Variants in LDB3 observed in about 807,000 individuals in gnomAD.
The protein encoded by LDB3 is LIM domain binding 3.
A neutral mutation model predicts 69.0 loss-of-function variants in LDB3; 49 were observed. The observed-to-expected ratio is 0.71, with a 90% confidence interval of 0.56 to 0.90. The LOEUF is 0.90. LDB3 is among the 40% of genes least tolerant of loss of function. The probability of loss-of-function intolerance (pLI) is 0.00; values close to 1 mark genes in which losing one functional copy is unlikely to be tolerated. For missense variants in LDB3, 928 were observed against 974.1 expected, an observed-to-expected ratio of 0.95 and a Z score of 0.63; for synonymous variants, 387 against 396.2, an observed-to-expected ratio of 0.98 and a Z score of 0.28.
At chr10:86,675,592 C>T (rs537437247) in intron 2 of LDB3, among the ~76,000 whole-genome samples, 1 of 152,346 alleles carries the variant, frequency 6.6e-6, no homozygotes, top group South Asian at 2.1e-4. Flanking sequence ...GGGTGTCCTG[C>T]TGTGGGGGAG....
intron 10 of LDB3, among the ~76,000 whole-genome samples, chr10:86,717,311 G>T (rs1382710994): frequency 6.6e-6 from 1 of 152,112 alleles, no homozygotes; most frequent in Non-Finnish European, 1.5e-5. Flanking sequence ...TTATATACGT[G>T]AAAAATACAC....
intron 7 of LDB3, among the ~76,000 whole-genome samples, chr10:86,693,381 G>T (rs1340873879): frequency 6.6e-6 from 1 of 152,214 alleles, no homozygotes; most frequent in Non-Finnish European, 1.5e-5. Flanking sequence ...TTGGGCCAGT[G>T]CATCCTGTGG....
chr10:86,728,587 T>TTTTTTTTTTTG lies in LDB3; in HGVS notation c.2094+2345_2094+2346insGTTTTTTTTTT, dbSNP rs1847347388. ...AGCAAAGTGGAACATGGTTCTTTTG[T>TTTTTTTTTTTG]TTTTTTTTTTTTTTGAGACAAAGTC... On this transcript the variant is annotated intron_variant, in intron 13 of 13. Transcript: ENST00000361373. Among the ~76,000 whole-genome samples, 4 of 76,168 alleles carry TTTTTTTTTTTG rather than the reference T, an allele frequency of 5.3e-5. 1 individual carries two copies. The highest frequency in any genetic ancestry group is 1.2e-4 in the Admixed American group (1 of 8,082). The allele number at this position is 76,168 out of a possible 152,430, so 50.0% of individuals were successfully genotyped here.
chr10:86,711,927 G>C (rs989753212), intron 9 of LDB3, among the ~76,000 whole-genome samples: 17 of 152,054 alleles, frequency 1.1e-4, no homozygotes, highest in African/African-American at 4.1e-4. Context: ...GAGTGCGATA[G>C]GGGACTTTTG....
chr10:86,669,702 C>T (rs1054162039), intron 2 of LDB3, among the ~76,000 whole-genome samples: 25 of 152,220 alleles, frequency 1.6e-4, no homozygotes, highest in African/African-American at 5.5e-4. Context: ...AGGCTCAGGG[C>T]GAACTGTGAG....
At chr10:86,711,962 T>C (rs918032453) in intron 9 of LDB3, among the ~76,000 whole-genome samples, 3 of 152,062 alleles carry the variant, frequency 2.0e-5, no homozygotes, top group African/African-American at 7.2e-5. Context: ...AGATGAAATA[T>C]CACCTTCTAA....
At chr10:86,706,950 A>G (rs574227255) in intron 8 of LDB3, among the ~76,000 whole-genome samples, 1 of 152,228 alleles carries the variant, frequency 6.6e-6, no homozygotes, top group African/African-American at 2.4e-5. Flanking sequence ...GGACACATAC[A>G]CCGGTGAGAG....
At chr10:86,710,319 G>A (rs1846599863) in intron 9 of LDB3, 30 of 941,016 alleles carry the variant, frequency 3.2e-5, no homozygotes, top group Non-Finnish European at 3.8e-5. Context: ...ACCGGGCATG[G>A]TGGCTCACAC....
chr10:86,668,543 C>T lies in LDB3; in HGVS notation c.-51C>T, dbSNP rs45584436. On this transcript the variant is annotated 5_prime_UTR_variant, in exon 1 of 14. Coordinates refer to ENST00000361373, the MANE Select transcript of LDB3 (RefSeq NM_007078.3). ...GGAGCCTCTCAAGAGCTCCACGCAG[C>T]CCGGCTGGGCAGCAAGGGACAGAAC... 4.3e-5 allele frequency: 31 copies of T among 729,156 alleles called. No individual in the cohort carries two copies. The African/African-American group carries it at 5.3e-4, about 13-fold the overall frequency. The allele number at this position is 729,156 out of a possible 1,614,324, so 45.2% of individuals were successfully genotyped here.
chr10:86,679,553 T>A (rs1203425225), intron 3 of LDB3, 35 bp downstream of exon 3: 1 of 1,611,312 alleles, frequency 6.2e-7, no homozygotes, highest in African/African-American at 1.3e-5. Context: ...GGGGCGGAGG[T>A]TTGGGTGTGG....
At position 86,726,261 on chromosome 10, in the gene LDB3, C is replaced by T; in HGVS notation, c.2094+9C>T. 6.2e-7 allele frequency: 1 copy of T among 1,610,348 alleles called. No homozygotes were observed. Among genetic ancestry groups the T allele is most frequent in the Non-Finnish European group, 8.5e-7 (1 of 1,176,562 alleles). On this transcript the variant is annotated intron_variant, in intron 13 of 13. Coordinates refer to ENST00000361373, the MANE Select transcript of LDB3 (RefSeq NM_007078.3). ...CCTGCTTCATTTGCGCAGTATGTCTCTAGCTTGGGGCTCTGGCTTTCTGAG... is the reference window on the plus strand; with the variant it reads ...CCTGCTTCATTTGCGCAGTATGTCTTTAGCTTGGGGCTCTGGCTTTCTGAG...
At chr10:86,666,797 C>A, upstream of LDB3, 1 of 471,012 alleles carries the variant, frequency 2.1e-6, no homozygotes, top group South Asian at 1.5e-5. Context: ...TCCCCAGAGG[C>A]GAGCTTCATC....
At chr10:86,687,899 T>C (rs1845572385) in intron 5 of LDB3, among the ~76,000 whole-genome samples, 1 of 152,224 alleles carries the variant, frequency 6.6e-6, no homozygotes, top group South Asian at 2.1e-4. Flanking sequence ...AAGAGTTGGC[T>C]GAAAATCATT....
intron 9 of LDB3, among the ~76,000 whole-genome samples, chr10:86,711,856 C>G (rs1271784323): frequency 6.7e-6 from 1 of 150,288 alleles, no homozygotes; most frequent in Non-Finnish European, 1.5e-5. Flanking sequence ...TGCGGAGAGC[C>G]GGGCCCGGCC....
In LDB3 at chr10:86,699,904, G is replaced by A; in HGVS notation, c.897-6627G>A. On this transcript the variant is annotated intron_variant, in intron 7 of 13. Transcript: ENST00000361373. This position sits in a 1 kb window ranked among gnomAD's most constrained non-coding sequence, Gnocchi z 4.9. ...TTTGAAGAGGAAGTAGAAGCCCCAG[G>A]GTAATGAGGCAGAGACCCCTCCTGG... 2.0e-6 allele frequency: 2 copies of A among 1,008,174 alleles called. No individual in the cohort carries two copies. Among genetic ancestry groups the A allele is most frequent in the Non-Finnish European group, 1.2e-6 (1 of 842,770 alleles). The allele number at this position is 1,008,174 out of a possible 1,614,324, so 62.5% of individuals were successfully genotyped here. A position where few individuals can be genotyped will look rare whatever the true frequency, so the allele number is the denominator to read the frequency against.
At chr10:86,710,177 C>G in intron 9 of LDB3, 127 bp downstream of exon 9, 1 of 1,528,714 alleles carries the variant, frequency 6.5e-7, no homozygotes, top group Non-Finnish European at 8.8e-7. Flanking sequence ...GCTAATGATG[C>G]TCCGCCCTCC....
intron 9 of LDB3, among the ~76,000 whole-genome samples, chr10:86,716,016 T>A (rs1031624243): frequency 2.1e-5 from 3 of 141,874 alleles, no homozygotes; most frequent in African/African-American, 7.6e-5. Flanking sequence ...CCACTCTGCG[T>A]CTTATGCAGG....
At chr10:86,667,855 G>T (rs1277923124), upstream of LDB3, among the ~76,000 whole-genome samples, 1 of 152,242 alleles carries the variant, frequency 6.6e-6, no homozygotes, top group Non-Finnish European at 1.5e-5. Flanking sequence ...GCTACTGGGA[G>T]CCCATTATCT....
intron 2 of LDB3, among the ~76,000 whole-genome samples, chr10:86,675,010 G>T (rs1844709262): frequency 6.6e-6 from 1 of 152,172 alleles, no homozygotes; most frequent in African/African-American, 2.4e-5. Flanking sequence ...CACCCTGAGG[G>T]ATGTTGGACC....
Sources: gnomAD v4.1 joint callset for allele counts (sites outside exome capture counted in the v4.1 genomes callset) on GRCh38, gnomAD v4.1.1 for gene constraint, Gnocchi (gnomAD v3.1) non-coding constraint, MANE v1.5 for transcripts, NCBI Gene and HGNC (gene_info 2026-07-23, HGNC 2026-07-21) for gene names.